GRIP2: variants seen among roughly 807,000 people sequenced by gnomAD.
GRIP2 encodes the protein glutamate receptor-interacting protein 2.
Under a neutral mutation model 108.3 loss-of-function variants are expected in GRIP2, and 58 were observed. The observed-to-expected ratio is 0.54, with a 90% CI of 0.43 to 0.67. The LOEUF is 0.67. GRIP2 is among the 30% of genes least tolerant of loss of function. The pLI is 0.00. For missense variants in GRIP2, 1,278 were observed against 1,430.6 expected (o/e 0.89, Z 1.72); for synonymous variants, 586 against 598.2 (o/e 0.98, Z 0.30).
intron 1 of GRIP2, among the ~76,000 whole-genome samples, chr3:14,552,511 C>T (rs1177240094): frequency 6.6e-6 from 1 of 152,144 alleles, no homozygotes; most frequent in African/African-American, 2.4e-5. Context: ...TCGATTCTGC[C>T]CACCCTATAG....
At chr3:14,593,776 A>G in the GRIP2 span, among the ~76,000 whole-genome samples, 6 of 152,204 alleles carry the variant, frequency 3.9e-5, no homozygotes, top group Admixed American at 3.3e-4. Context: ...TGCCAGAGAC[A>G]TAGCATCTCT....
intron 21 of GRIP2, 60 bp from the exon 22 acceptor site, chr3:14,496,620 C>T: frequency 6.5e-7 from 1 of 1,548,978 alleles, no homozygotes; most frequent in Non-Finnish European, 8.7e-7. Flanking sequence ...AGGCAGTCAG[C>T]ATCCACTGAC....
intron 1 of GRIP2, among the ~76,000 whole-genome samples, chr3:14,529,278 CAAAAA>C (rs78828207): frequency 9.0e-6 from 1 of 111,088 alleles, no homozygotes; most frequent in Non-Finnish European, 1.8e-5. Flanking sequence ...GACTCCGTCT[CAAAAA>C]AAAAAAAAAA....
intron 4 of GRIP2, 62 bp from the exon 5 acceptor site, chr3:14,523,760 C>T: frequency 1.8e-6 from 2 of 1,102,406 alleles, no homozygotes; most frequent in East Asian, 5.0e-5. Flanking sequence ...GGTAGATGTG[C>T]CCAAAGCTCA....
In GRIP2 at chr3:14,521,623, ACTCAGGC is replaced by A. The variant is rs1177064180; in HGVS notation, c.712+12_712+18del. Reference sequence around the variant, plus strand: ...GGCCTCCTCCTGCCCCAACCCACACACTCAGGCCCCCAACTCACCAGGGGTGGCCACA... The same window carrying A: ...GGCCTCCTCCTGCCCCAACCCACACACCCCAACTCACCAGGGGTGGCCACA... On this transcript the variant is annotated intron_variant, in intron 7 of 23. Coordinates refer to ENST00000621039, the MANE Select transcript of GRIP2 (RefSeq NM_001080423.4). The surrounding 1 kb of genome is among the most constrained non-coding windows in gnomAD (Gnocchi z 5.1). 2.5e-6 allele frequency: 4 copies of A among 1,589,794 alleles called. No homozygotes were observed. Among genetic ancestry groups the A allele is most frequent in the Non-Finnish European group, 3.4e-6 (4 of 1,165,788 alleles).
chr3:14,550,200 C>T (rs184870056), intron 1 of GRIP2, among the ~76,000 whole-genome samples: 28 of 152,330 alleles, frequency 1.8e-4, no homozygotes, highest in African/African-American at 6.7e-4. Flanking sequence ...CTCCCCGCCT[C>T]CCATTCCCAG....
chr3:14,519,974 C>T, intron 9 of GRIP2, 136 bp downstream of exon 9: 1 of 860,150 alleles, frequency 1.2e-6, no homozygotes, highest in Non-Finnish European at 1.8e-6. Context: ...ATAATTTGAG[C>T]TTCCCTGGGC....
chr3:14,560,265 C>CAAA (rs1211828107), upstream of GRIP2, among the ~76,000 whole-genome samples: 2 of 152,094 alleles, frequency 1.3e-5, no homozygotes, highest in African/African-American at 4.8e-5. Flanking sequence ...AAAAACCCAG[C>CAAA]AACAACAAAA....
upstream of GRIP2, among the ~76,000 whole-genome samples, chr3:14,557,992 T>G (rs964387221): frequency 6.6e-6 from 1 of 152,068 alleles, no homozygotes; most frequent in Non-Finnish European, 1.5e-5. Flanking sequence ...TATGTAACCG[T>G]TATTAGTGTT....
chr3:14,584,960 A>T, the GRIP2 span, among the ~76,000 whole-genome samples: 11 of 152,322 alleles, frequency 7.2e-5, no homozygotes, highest in South Asian at 2.1e-3. Flanking sequence ...TCTTTCCAGG[A>T]TGCCTGCAGG....
intron 21 of GRIP2, among the ~76,000 whole-genome samples, chr3:14,496,948 C>T (rs1693624712): frequency 1.4e-5 from 2 of 147,656 alleles, no homozygotes; most frequent in African/African-American, 2.5e-5. Context: ...AGTCTAGTTC[C>T]AAAGTCAAGA....
intron 1 of GRIP2, among the ~76,000 whole-genome samples, chr3:14,537,639 G>A (rs771935288): frequency 5.9e-5 from 9 of 152,230 alleles, no homozygotes; most frequent in Non-Finnish European, 1.2e-4. Context: ...AAACTCAGGC[G>A]AAGGATCCCC....
At chr3:14,570,701 G>A in the GRIP2 span, among the ~76,000 whole-genome samples, 4 of 152,054 alleles carry the variant, frequency 2.6e-5, no homozygotes, top group Non-Finnish European at 5.9e-5. Context: ...TTTCTCAAAT[G>A]TATCAGTCTC....
upstream of GRIP2, among the ~76,000 whole-genome samples, chr3:14,543,743 G>C (rs1206741493): frequency 8.5e-5 from 13 of 152,230 alleles, no homozygotes; most frequent in Admixed American, 8.5e-4. Context: ...CATGCGAGGG[G>C]GCTGAGCAGC....
chr3:14,542,071 G>C (rs866549454), upstream of GRIP2: 1 of 1,349,228 alleles, frequency 7.4e-7, no homozygotes. Context: ...AGTCAGGGAG[G>C]ACAGGCGCAT....
chr3:14,588,639 A>G, the GRIP2 span, among the ~76,000 whole-genome samples: 2 of 152,094 alleles, frequency 1.3e-5, no homozygotes, highest in Non-Finnish European at 2.9e-5. Context: ...CTGGATATAA[A>G]TCTTGAGGCT....
the GRIP2 span, among the ~76,000 whole-genome samples, chr3:14,578,781 A>G: frequency 6.6e-6 from 1 of 150,826 alleles, no homozygotes. Flanking sequence ...CAGGTGAGTC[A>G]GCAGTGGGGT....
At chr3:14,585,865 G>C in the GRIP2 span, among the ~76,000 whole-genome samples, 1 of 151,838 alleles carries the variant, frequency 6.6e-6, no homozygotes, top group South Asian at 2.1e-4. Flanking sequence ...AGTCAGAGGG[G>C]ACAGCAGGTG....
At chr3:14,524,586 G>A in intron 3 of GRIP2, 48 bp from the exon 4 acceptor site, 3 of 1,526,338 alleles carry the variant, frequency 2.0e-6, no homozygotes, top group Non-Finnish European at 2.7e-6. Flanking sequence ...GCTGGCCCAT[G>A]CAGTCCTGGC....
Sources: allele counts gnomAD v4.1 joint callset (sites outside exome capture counted in the v4.1 genomes callset), GRCh38; gene constraint gnomAD v4.1.1; non-coding constraint Gnocchi (gnomAD v3.1); transcripts MANE v1.5; gene names NCBI Gene and HGNC (gene_info 2026-07-23, HGNC 2026-07-21).